Variants in HDAC9 observed in about 807,000 individuals in gnomAD.
HDAC9 encodes MEF-2 interacting transcription repressor (MITR) protein.
A neutral mutation model predicts 139.4 loss-of-function variants in HDAC9; 41 were observed. The ratio of observed to expected loss-of-function variants is 0.29; its 90% confidence interval spans 0.23 to 0.38. The LOEUF is 0.38. HDAC9 is among the 10% of genes least tolerant of loss of function. HDAC9 has a pLI of 1.00. For missense variants in HDAC9, 1,147 were observed against 1,297.0 expected (o/e 0.88, Z 1.78); for synonymous variants, 517 against 476.2 (o/e 1.09, Z -1.12).
intron 21 of HDAC9, among the ~76,000 whole-genome samples, chr7:18,862,065 C>T (rs1195153019): frequency 6.6e-6 from 1 of 152,098 alleles, no homozygotes; most frequent in East Asian, 1.9e-4. Context: ...TAATTTAGCC[C>T]CCAAAATATA....
exon 1 of HDAC9, chr7:18,087,049 A>T (rs535102341): frequency 6.6e-6 from 1 of 151,584 alleles, no homozygotes; most frequent in South Asian, 2.1e-4. Flanking sequence ...TCTCGGCTGG[A>T]GGAGCAGCGG....
At chr7:18,430,218 A>G (rs775106045) in intron 1 of HDAC9, among the ~76,000 whole-genome samples, 26 of 152,026 alleles carry the variant, frequency 1.7e-4, no homozygotes, top group Non-Finnish European at 3.4e-4. Context: ...ACCACAACCT[A>G]CAGTAATTGA....
chr7:18,452,126 A>G (rs1269142466), intron 1 of HDAC9, among the ~76,000 whole-genome samples: 1 of 152,138 alleles, frequency 6.6e-6, no homozygotes, highest in Non-Finnish European at 1.5e-5. Context: ...TTGAGTGGCC[A>G]TTGGGCAGAT....
intron 21 of HDAC9, among the ~76,000 whole-genome samples, chr7:18,837,619 A>G (rs1413951225): frequency 2.0e-5 from 3 of 152,102 alleles, no homozygotes; most frequent in Admixed American, 6.6e-5. Context: ...GATTTTTTAA[A>G]TTATCGTAAT....
At position 18,449,765 on chromosome 7, in the gene HDAC9, G is replaced by A. The variant is rs189094425; in HGVS notation, c.-41-46497G>A. ...ATACATTTAAATATACTTTTTAAAT[G>A]TTTTGTTTAATTTTGAGGAAAGGTC... is the stretch of plus-strand genomic sequence containing the variant. On this transcript the variant is annotated intron_variant, in intron 1 of 3. Transcript: ENST00000413509. 3.7e-4 allele frequency among the ~76,000 whole-genome samples: 57 copies of A among 152,106 alleles called. 1 individual carries two copies. Among genetic ancestry groups the A allele is most frequent in the African/African-American group, 1.3e-3 (56 of 41,522 alleles).
At chr7:18,835,701 C>G in intron 20 of HDAC9, 115 bp downstream of exon 20, 1 of 1,392,158 alleles carries the variant, frequency 7.2e-7, no homozygotes, top group Non-Finnish European at 1.0e-6. Context: ...CACGAGATTA[C>G]TGAATTGTCC....
chr7:18,962,772 G>A (rs977497821), intron 24 of HDAC9, among the ~76,000 whole-genome samples: 7 of 152,122 alleles, frequency 4.6e-5, no homozygotes, highest in South Asian at 2.1e-4. Flanking sequence ...AGGGAAGATC[G>A]TTTCCTAAGT....
At chr7:18,610,465 ACT>A (rs1836805613) in intron 6 of HDAC9, among the ~76,000 whole-genome samples, 1 of 151,964 alleles carries the variant, frequency 6.6e-6, no homozygotes, top group African/African-American at 2.4e-5. Flanking sequence ...AAAAACAAAC[ACT>A]CTTTCCCCGG....
intron 16 of HDAC9, among the ~76,000 whole-genome samples, chr7:18,787,148 G>A (rs1791894128): frequency 6.6e-6 from 1 of 152,128 alleles, no homozygotes; most frequent in South Asian, 2.1e-4. Flanking sequence ...GACTCTGGGA[G>A]TGTGGGTTGG....
At chr7:18,646,076 A>G (rs1272629110) in intron 9 of HDAC9, among the ~76,000 whole-genome samples, 1 of 152,214 alleles carries the variant, frequency 6.6e-6, no homozygotes, top group Non-Finnish European at 1.5e-5. Flanking sequence ...AAAAGGAATT[A>G]GGAATGAAAC....
At chr7:18,399,933 A>G (rs1012413948) in intron 1 of HDAC9, among the ~76,000 whole-genome samples, 2 of 152,174 alleles carry the variant, frequency 1.3e-5, no homozygotes, top group African/African-American at 2.4e-5. Flanking sequence ...CACAGCAGCA[A>G]TGTATGCTTA....
At chr7:18,159,955 C>G (rs1346055527) in intron 1 of HDAC9, among the ~76,000 whole-genome samples, 1 of 152,148 alleles carries the variant, frequency 6.6e-6, no homozygotes, top group Non-Finnish European at 1.5e-5. Context: ...CTCTGCAACT[C>G]AGGTTTGGAG....
chr7:18,837,149 G>A lies in HDAC9; in HGVS notation c.2684+1152G>A, dbSNP rs531909187. Among the ~76,000 whole-genome samples, 7 of 151,520 alleles carry A rather than the reference G, an allele frequency of 4.6e-5. No individual in the cohort carries two copies. In the East Asian group the frequency reaches 1.4e-3, roughly 29 times the overall value. ...AAATACATTTAAAATAAATATGTTT[G>A]GCTTGGCATTCAAGATACAAAGGAA... On this transcript the variant is annotated intron_variant, in intron 21 of 25. Transcript: ENST00000686413.
At chr7:18,305,681 C>T (rs1197626918) in intron 1 of HDAC9, among the ~76,000 whole-genome samples, 1 of 130,520 alleles carries the variant, frequency 7.7e-6, no homozygotes, top group Non-Finnish European at 1.5e-5. Context: ...TTGTAGAGCA[C>T]ACAAAGAAAC....
chr7:18,204,724 G>T (rs1440686735), intron 2 of HDAC9, among the ~76,000 whole-genome samples: 1 of 151,598 alleles, frequency 6.6e-6, no homozygotes, highest in African/African-American at 2.4e-5. Context: ...TGTTTTTGAG[G>T]TATTTTTCTT....
intron 25 of HDAC9, among the ~76,000 whole-genome samples, chr7:18,978,301 A>G (rs542192928): frequency 5.9e-5 from 9 of 152,246 alleles, no homozygotes; most frequent in African/African-American, 2.2e-4. Flanking sequence ...TTCCTGGCCA[A>G]CTCATATCTG....
chr7:18,153,694 G>C (rs985206842), intron 1 of HDAC9, among the ~76,000 whole-genome samples: 5 of 152,162 alleles, frequency 3.3e-5, no homozygotes, highest in African/African-American at 1.2e-4. Context: ...ATCGGCTTTA[G>C]GGTCCCTGCC....
At chr7:18,121,296 A>T (rs577032936) in intron 1 of HDAC9, among the ~76,000 whole-genome samples, 4 of 152,334 alleles carry the variant, frequency 2.6e-5, no homozygotes, top group Admixed American at 2.6e-4. Context: ...ATTGAAAAAT[A>T]TAGGCAGTTG....
At chr7:18,577,267 C>T (rs1010035111) in intron 2 of HDAC9, among the ~76,000 whole-genome samples, 1 of 152,172 alleles carries the variant, frequency 6.6e-6, no homozygotes, top group African/African-American at 2.4e-5. Flanking sequence ...CCTTTCTGAC[C>T]TTTCATTCCA....
Sources: allele counts gnomAD v4.1 joint callset (sites outside exome capture counted in the v4.1 genomes callset), GRCh38; gene constraint gnomAD v4.1.1; transcripts MANE v1.5; gene names NCBI Gene and HGNC (gene_info 2026-07-23, HGNC 2026-07-21).